Variants in APBB1IP observed in about 807,000 individuals in gnomAD.
APBB1IP encodes the protein amyloid beta precursor protein binding family B member 1 interacting protein.
In APBB1IP, 27 loss-of-function variants were observed where a neutral mutation model predicts 64.9. That is an observed-to-expected ratio of 0.42 (90% confidence interval 0.31 to 0.57). APBB1IP has a LOEUF of 0.57. APBB1IP is among the 20% of genes least tolerant of loss of function. The pLI, the probability that APBB1IP is intolerant of heterozygous loss-of-function variation, is 0.20. For missense variants in APBB1IP, 812 were observed against 845.5 expected, an observed-to-expected ratio of 0.96 and a Z score of 0.49; for synonymous variants, 392 against 331.0, an observed-to-expected ratio of 1.18 and a Z score of -2.00.
At chr10:26,481,669 A>G (rs1007707016) in intron 2 of APBB1IP, among the ~76,000 whole-genome samples, 3 of 151,804 alleles carry the variant, frequency 2.0e-5, no homozygotes, top group African/African-American at 7.3e-5. Flanking sequence ...GGCAGAGGGG[A>G]TAGAGATGGG....
chr10:26,518,851 G>A (rs942851342), intron 8 of APBB1IP, among the ~76,000 whole-genome samples: 36 of 152,268 alleles, frequency 2.4e-4, no homozygotes, highest in Admixed American at 3.9e-4. Context: ...TTCTGTCTTA[G>A]ATCTTGACCT....
chr10:26,567,037 C>A lies in APBB1IP; in HGVS notation c.1550C>A (p.Pro517His). Reference sequence around the variant, plus strand: ...CCGCACGCCCCCAAGTCCAGCCTGCCCCCGCCCCCTCCGGTGCGGAGGTCC... The same window carrying A: ...CCGCACGCCCCCAAGTCCAGCCTGCACCCGCCCCCTCCGGTGCGGAGGTCC... ...RAPHAPKSSL[P>H]PPPPVRRSSD... Residue 517 changes from proline (P) to histidine (H), a missense_variant, in exon 15 of 15, where the codon CCC becomes CAC. Physicochemically the swap from Pro to His is moderately conservative, Grantham distance 77. Coordinates refer to ENST00000376236, the MANE Select transcript of APBB1IP (RefSeq NM_019043.4). 6.5e-7 allele frequency: 1 copy of A among 1,540,660 alleles called. No individual in the cohort carries two copies. The highest frequency in any genetic ancestry group is 8.6e-7 in the Non-Finnish European group (1 of 1,156,642).
At chr10:26,489,762 C>T (rs1389618115) in intron 2 of APBB1IP, among the ~76,000 whole-genome samples, 1 of 152,198 alleles carries the variant, frequency 6.6e-6, no homozygotes, top group Non-Finnish European at 1.5e-5. Flanking sequence ...TGATGGCTCA[C>T]GCCTGTAATC....
chr10:26,509,324 G>C (rs1836223710), intron 6 of APBB1IP, among the ~76,000 whole-genome samples: 2 of 152,126 alleles, frequency 1.3e-5, no homozygotes, highest in African/African-American at 4.8e-5. Flanking sequence ...GGAAACCCTG[G>C]GATAAGGCTC....
chr10:26,449,353 C>CT (rs541202557), intron 2 of APBB1IP, among the ~76,000 whole-genome samples: 4 of 151,386 alleles, frequency 2.6e-5, no homozygotes, highest in Non-Finnish European at 5.9e-5. Context: ...ATGACTGACA[C>CT]TTTTTTTTTC....
At chr10:26,501,232 C>T in intron 5 of APBB1IP, 121 bp downstream of exon 5, 1 of 1,434,122 alleles carries the variant, frequency 7.0e-7, no homozygotes, top group Non-Finnish European at 9.6e-7. Context: ...TACTAAAAAA[C>T]AAAGATACAG....
chr10:26,476,838 T>TC (rs1246364806), intron 2 of APBB1IP, among the ~76,000 whole-genome samples: 5 of 152,198 alleles, frequency 3.3e-5, no homozygotes, highest in Admixed American at 2.6e-4. Flanking sequence ...TCTTGCTCTG[T>TC]CACCCAGGCT....
intron 2 of APBB1IP, among the ~76,000 whole-genome samples, chr10:26,466,390 G>T (rs1340966579): frequency 6.6e-6 from 1 of 152,194 alleles, no homozygotes; most frequent in African/African-American, 2.4e-5. Context: ...AAGTGTCAAA[G>T]AATAGGAGGC....
chr10:26,557,727 G>C (rs1462530223), intron 11 of APBB1IP, among the ~76,000 whole-genome samples: 1 of 152,128 alleles, frequency 6.6e-6, no homozygotes, highest in Non-Finnish European at 1.5e-5. Context: ...GTCTATAAAG[G>C]TCTTGTTATC....
intron 12 of APBB1IP, among the ~76,000 whole-genome samples, chr10:26,560,442 C>A (rs1331463844): frequency 1.3e-5 from 2 of 152,098 alleles, no homozygotes; most frequent in African/African-American, 4.8e-5. Context: ...AATTAAAAAA[C>A]GCAAGATGGA....
At chr10:26,473,991 C>A (rs1324365061) in intron 2 of APBB1IP, among the ~76,000 whole-genome samples, 1 of 143,226 alleles carries the variant, frequency 7.0e-6, no homozygotes, top group African/African-American at 2.6e-5. Context: ...GACAGAGCCA[C>A]CCTGTCTCAA....
At chr10:26,496,908 C>A (rs1337735544) in intron 4 of APBB1IP, among the ~76,000 whole-genome samples, 1 of 151,898 alleles carries the variant, frequency 6.6e-6, no homozygotes, top group Non-Finnish European at 1.5e-5. Flanking sequence ...AATCTCTCAG[C>A]CATGCATGAT....
At chr10:26,549,499 G>T (rs987730192) in intron 11 of APBB1IP, among the ~76,000 whole-genome samples, 3 of 152,066 alleles carry the variant, frequency 2.0e-5, no homozygotes, top group Non-Finnish European at 2.9e-5. Context: ...ATTACTCATT[G>T]TTGGTCTTTT....
At position 26,560,192 on chromosome 10, in the gene APBB1IP, CGGATAGCCAAG is replaced by C; in HGVS notation, c.1245_1254+1del. On this transcript the variant is annotated frameshift_variant and splice_region_variant, in exon 12 of 15. Transcript: ENST00000376236. LOFTEE classifies it high-confidence loss of function. ...CCTTAACCAGTGGGTCATGGGAATACGGATAGCCAAGGTGAGAGAGCGTTCGGACTTCACCC... is the reference window on the plus strand; with the variant it reads ...CCTTAACCAGTGGGTCATGGGAATACGTGAGAGAGCGTTCGGACTTCACCC... 6.2e-7 allele frequency: 1 copy of C among 1,613,886 alleles called. No individual in the cohort carries two copies. The highest frequency in any genetic ancestry group is 2.2e-5 in the East Asian group (1 of 44,872).
rs368191468 is a variant in APBB1IP at position 26,480,715 on chromosome 10, C to T, written c.1-11612C>T. Among the ~76,000 whole-genome samples, 126 of 145,916 alleles carry T rather than the reference C, an allele frequency of 8.6e-4. 2 individuals are homozygous for T. The South Asian group carries it at 0.026, about 31-fold the overall frequency. On this transcript the variant is annotated intron_variant, in intron 2 of 14. Coordinates refer to ENST00000376236, the MANE Select transcript of APBB1IP (RefSeq NM_019043.4). ...CTCCTGGGCTCAAGTGATCTGCCTA[C>T]CTCGACCTCCCAAAGTGCTGGGATT...
intron 9 of APBB1IP, among the ~76,000 whole-genome samples, chr10:26,535,427 C>G (rs1836608174): frequency 6.6e-6 from 1 of 152,090 alleles, no homozygotes; most frequent in African/African-American, 2.4e-5. Flanking sequence ...GGTATCCATC[C>G]TCTCAAGCAT....
chr10:26,471,962 C>T (rs188597086), intron 2 of APBB1IP, among the ~76,000 whole-genome samples: 115 of 152,256 alleles, frequency 7.6e-4, no homozygotes, highest in Middle Eastern at 3.4e-3. Context: ...GGATTACAGG[C>T]GTGAGCCACT....
chr10:26,483,092 T>TAAAAAA (rs35069320), intron 2 of APBB1IP, among the ~76,000 whole-genome samples: 17 of 67,152 alleles, frequency 2.5e-4, no homozygotes, highest in East Asian at 5.4e-4. Context: ...CTCCATCTGA[T>TAAAAAA]AAAAAAAAAA....
intron 4 of APBB1IP, among the ~76,000 whole-genome samples, chr10:26,497,814 C>T (rs911582539): frequency 2.3e-4 from 34 of 148,772 alleles, no homozygotes; most frequent in African/African-American, 7.4e-4. Context: ...GCAACCTCTG[C>T]CCCCTGGGTT....
Sources: gnomAD v4.1 joint callset for allele counts (sites outside exome capture counted in the v4.1 genomes callset) on GRCh38, gnomAD v4.1.1 for gene constraint, MANE v1.5 for transcripts, NCBI Gene and HGNC (gene_info 2026-07-23, HGNC 2026-07-21) for gene names.